BMP6: variants seen among roughly 807,000 people sequenced by gnomAD.
The protein encoded by BMP6 is VG-1-R.
In BMP6, 17 loss-of-function variants were observed where a neutral mutation model predicts 54.1. The ratio of observed to expected loss-of-function variants is 0.31; its 90% CI spans 0.22 to 0.47. The LOEUF (loss-of-function observed/expected upper bound fraction) is 0.47, where lower values mean the gene tolerates loss of function less well. Among genes scored for constraint, BMP6 ranks in the 20% least tolerant of loss-of-function variants. The probability of loss-of-function intolerance (pLI) is 1.00; values close to 1 mark genes in which losing one functional copy is unlikely to be tolerated. For missense variants in BMP6, 720 were observed against 690.4 expected, an observed-to-expected ratio of 1.04 and a Z score of -0.48; for synonymous variants, 328 against 291.2, an observed-to-expected ratio of 1.13 and a Z score of -1.28.
intron 1 of BMP6, among the ~76,000 whole-genome samples, chr6:7,839,814 C>T (rs1273957531): frequency 6.6e-6 from 1 of 152,216 alleles, no homozygotes; most frequent in Non-Finnish European, 1.5e-5. Context: ...AATGCTTTTG[C>T]ATATATATCC....
intron 2 of BMP6, among the ~76,000 whole-genome samples, chr6:7,856,938 T>A (rs1384407350): frequency 6.6e-6 from 1 of 152,196 alleles, no homozygotes; most frequent in Non-Finnish European, 1.5e-5. Context: ...GTAAACACTG[T>A]TGTACTTTGA....
At chr6:7,792,247 G>T (rs1758119939) in intron 1 of BMP6, among the ~76,000 whole-genome samples, 1 of 152,100 alleles carries the variant, frequency 6.6e-6, no homozygotes, top group Non-Finnish European at 1.5e-5. Context: ...ATTATCAAGG[G>T]TGGTCTCCTT....
chr6:7,859,564 T>G (rs1759303260), intron 2 of BMP6, among the ~76,000 whole-genome samples: 1 of 152,162 alleles, frequency 6.6e-6, no homozygotes, highest in Admixed American at 6.5e-5. Context: ...TCTGTGTTAT[T>G]GCTGGATAAG....
At chr6:7,747,801 C>T (rs964821341) in intron 1 of BMP6, among the ~76,000 whole-genome samples, 3 of 151,998 alleles carry the variant, frequency 2.0e-5, no homozygotes, top group Non-Finnish European at 4.4e-5. Context: ...CATGCACTAC[C>T]TTGACTAGCT....
chr6:7,784,016 C>T (rs1371043803), intron 1 of BMP6, among the ~76,000 whole-genome samples: 1 of 152,162 alleles, frequency 6.6e-6, no homozygotes, highest in African/African-American at 2.4e-5. Flanking sequence ...CCGATTTCCC[C>T]AACATGCTTT....
intron 1 of BMP6, among the ~76,000 whole-genome samples, chr6:7,734,550 T>G (rs1761924123): frequency 6.6e-6 from 1 of 152,192 alleles, no homozygotes; most frequent in Non-Finnish European, 1.5e-5. Context: ...GGGTTTTCTC[T>G]TAGTGGATAG....
intron 1 of BMP6, among the ~76,000 whole-genome samples, chr6:7,801,870 C>T (rs1045899176): frequency 6.6e-6 from 1 of 152,204 alleles, no homozygotes; most frequent in Non-Finnish European, 1.5e-5. Context: ...GGCCTGATAT[C>T]AAGCAATATG....
At chr6:7,809,055 C>T (rs1285266984) in intron 1 of BMP6, among the ~76,000 whole-genome samples, 3 of 150,552 alleles carry the variant, frequency 2.0e-5, no homozygotes, top group Non-Finnish European at 4.4e-5. Context: ...TTTTTAAAAA[C>T]ATAGGGGTTT....
rs77269407 is a variant in BMP6, at chr6:7,736,171, C to T, written c.664+8552C>T. ...TCTAGGAGTTTAAAAATCTTTTTTC[C>T]TCCGCATAGTTTGACTGAGGTGTCT... is the stretch of plus-strand genomic sequence containing the variant. On this transcript the variant is annotated intron_variant, in intron 1 of 6. Transcript: ENST00000283147. 3.2e-3 allele frequency among the ~76,000 whole-genome samples: 481 copies of T among 152,036 alleles called. 3 individuals are homozygous for T. Among genetic ancestry groups the T allele is most frequent in the African/African-American group, 0.011 (458 of 41,470 alleles).
At chr6:7,777,017 T>C (rs1757871105) in intron 1 of BMP6, among the ~76,000 whole-genome samples, 1 of 152,222 alleles carries the variant, frequency 6.6e-6, no homozygotes, top group Non-Finnish European at 1.5e-5. Context: ...TACTACAATA[T>C]GGGGAGGACA....
chr6:7,744,946 A>G (rs573805010), intron 1 of BMP6, among the ~76,000 whole-genome samples: 18 of 152,316 alleles, frequency 1.2e-4, no homozygotes, highest in Admixed American at 2.0e-4. Context: ...TCCCGCCTCC[A>G]GTATCAGTGC....
intron 3 of BMP6, 26 bp downstream of exon 3, chr6:7,861,625 A>C: frequency 1.2e-6 from 2 of 1,612,734 alleles, no homozygotes; most frequent in Non-Finnish European, 1.7e-6. Flanking sequence ...CAAGCCTCCA[A>C]CGTCCAGCAA....
At chr6:7,813,665 A>C (rs1758476491) in intron 1 of BMP6, among the ~76,000 whole-genome samples, 1 of 139,978 alleles carries the variant, frequency 7.1e-6, no homozygotes, top group Non-Finnish European at 1.6e-5. Flanking sequence ...AAAAAAAAAA[A>C]AAAACCCACC....
intron 1 of BMP6, among the ~76,000 whole-genome samples, chr6:7,839,846 A>G (rs1208252127): frequency 6.6e-6 from 1 of 152,234 alleles, no homozygotes; most frequent in Non-Finnish European, 1.5e-5. Flanking sequence ...TGCTGGATCA[A>G]TGCTAATTTT....
intron 2 of BMP6, among the ~76,000 whole-genome samples, chr6:7,856,610 T>TTTTTTTTTTTTTTTTTTTTTTTTTTTG (rs1477184469): frequency 8.2e-6 from 1 of 122,202 alleles, no homozygotes; most frequent in Non-Finnish European, 1.7e-5. Context: ...TTTTTTTTTT[T>TTTTTTTTTTTTTTTTTTTTTTTTTTTG]TTTTGAGACG....
chr6:7,761,018 C>T (rs140467075), intron 1 of BMP6, among the ~76,000 whole-genome samples: 1 of 152,324 alleles, frequency 6.6e-6, no homozygotes, highest in African/African-American at 2.4e-5. Flanking sequence ...GGCAATAGCA[C>T]ATATTAGTTG....
intron 4 of BMP6, among the ~76,000 whole-genome samples, chr6:7,877,634 A>T (rs968991863): frequency 1.3e-5 from 2 of 152,198 alleles, no homozygotes; most frequent in Non-Finnish European, 2.9e-5. Flanking sequence ...AAAGAAAAAA[A>T]AAAAAATTAA....
rs139704242 is a variant in BMP6 at position 7,735,985 on chromosome 6, A to G, written c.664+8366A>G. Among the ~76,000 whole-genome samples the G allele has an allele frequency of 2.3e-3, 356 of 152,314 alleles. 1 individual carries two copies. Among genetic ancestry groups the G allele is most frequent in the African/African-American group, 8.4e-3 (348 of 41,566 alleles). ...GAGTTCGGGGAAAGAATTATAAAAT[A>G]CCTCAGTTGAAGAATATTTTGTTTC... On this transcript the variant is annotated intron_variant, in intron 1 of 6. Transcript: ENST00000283147.
chr6:7,732,079 A>G (rs1327598832), intron 1 of BMP6, among the ~76,000 whole-genome samples: 1 of 152,208 alleles, frequency 6.6e-6, no homozygotes, highest in Non-Finnish European at 1.5e-5. Context: ...AATACTCCCT[A>G]CTTGTATTTG....
Sources: gnomAD v4.1 joint callset for allele counts (sites outside exome capture counted in the v4.1 genomes callset) on GRCh38, gnomAD v4.1.1 for gene constraint, MANE v1.5 for transcripts, NCBI Gene and HGNC (gene_info 2026-07-23, HGNC 2026-07-21) for gene names.